The following RSBN1L variants were observed in gnomAD, a reference collection of about 807,000 sequenced individuals.
RSBN1L encodes the protein round spermatid basic protein 1 like.
A neutral mutation model predicts 67.7 loss-of-function variants in RSBN1L; 30 were observed. The observed-to-expected ratio is 0.44, with a 90% CI of 0.33 to 0.60. The LOEUF (loss-of-function observed/expected upper bound fraction) is 0.60. Ranked by LOEUF, RSBN1L falls within the 20% of genes least tolerant of loss-of-function variation. The probability of loss-of-function intolerance (pLI) is 0.02; values close to 1 mark genes in which losing one functional copy is unlikely to be tolerated. For missense variants in RSBN1L, 992 were observed against 1,031.7 expected (o/e 0.96, Z 0.53); for synonymous variants, 433 against 387.0 (o/e 1.12, Z -1.39).
chr7:77,738,873 A>T (rs1417823688), intron 2 of RSBN1L, among the ~76,000 whole-genome samples: 1 of 152,144 alleles, frequency 6.6e-6, no homozygotes, highest in African/African-American at 2.4e-5. Flanking sequence ...CAGGAGGCGG[A>T]GGTTGCGGTG....
chr7:77,715,731 C>T (rs566332919), intron 1 of RSBN1L, among the ~76,000 whole-genome samples: 1 of 152,158 alleles, frequency 6.6e-6, no homozygotes, highest in African/African-American at 2.4e-5. Flanking sequence ...TCTGTTTTTT[C>T]CTTATTCAGA....
chr7:77,771,039 T>G (rs1180671855), intron 5 of RSBN1L, among the ~76,000 whole-genome samples: 4 of 152,152 alleles, frequency 2.6e-5, no homozygotes, highest in African/African-American at 9.7e-5. Context: ...CCTCCCGGTT[T>G]CAAGCGATTC....
intron 1 of RSBN1L, among the ~76,000 whole-genome samples, chr7:77,731,445 A>C (rs1324268006): frequency 6.6e-6 from 1 of 152,170 alleles, no homozygotes; most frequent in Non-Finnish European, 1.5e-5. Flanking sequence ...CATGTTGCCC[A>C]GGCTGGTCTT....
At chr7:77,738,140 A>G (rs1791361328) in intron 2 of RSBN1L, among the ~76,000 whole-genome samples, 1 of 152,108 alleles carries the variant, frequency 6.6e-6, no homozygotes, top group Admixed American at 6.5e-5. Context: ...TGAAAATATC[A>G]TGCTGTAAAT....
intron 1 of RSBN1L, among the ~76,000 whole-genome samples, chr7:77,700,624 C>T (rs1330855198): frequency 1.3e-5 from 2 of 152,192 alleles, no homozygotes; most frequent in African/African-American, 4.8e-5. Flanking sequence ...AGGTTAAATT[C>T]ATATTCAGAG....
chr7:77,696,690 C>T lies in RSBN1L; in HGVS notation c.221C>T (p.Ala74Val). The T allele has an allele frequency of 6.2e-7, 1 of 1,612,740 alleles. No individual in the cohort carries two copies. Among genetic ancestry groups the T allele is most frequent in the Non-Finnish European group, 8.5e-7 (1 of 1,179,344 alleles). ...AGCAGGCAGCTGCAGCCGCCGGCAG[C>T]ACCTTCGCCTCAGAGCTATGGCAGC... ...GNSRQLQPPAAPSPQSYGSPA... is the reference protein window; with the variant it reads ...GNSRQLQPPAVPSPQSYGSPA... Residue 74 changes from alanine (A) to valine (V), a missense_variant, in exon 1 of 8, where the codon GCA becomes GTA. Physicochemically the swap from Ala to Val is moderately conservative, Grantham distance 64. This residue lies in a region of RSBN1L where 575 missense variants were observed against 483.2 expected (regional missense o/e 1.19). Transcript: ENST00000334955.
rs771722413 is a variant in RSBN1L, at chr7:77,749,799, C to T, written c.1079C>T (p.Ser360Leu). The T allele has an allele frequency of 1.3e-5, 21 of 1,613,998 alleles. No homozygotes were observed. Among genetic ancestry groups the T allele is most frequent in the East Asian group, 4.5e-5 (2 of 44,892 alleles). The change falls in exon 3 of 8, where the codon TCG (serine) becomes TTG (leucine). Residue 360 changes from serine (S) to leucine (L), a missense_variant. By Grantham distance (145) the Ser-to-Leu change is moderately radical (BLOSUM62 -2). Coordinates refer to ENST00000334955, the MANE Select transcript of RSBN1L (RefSeq NM_198467.3). Reference protein sequence around the residue: ...HIEHQPNGGASVIHAYSNELS... With the variant: ...HIEHQPNGGALVIHAYSNELS... ...GAGCACCAGCCTAATGGAGGTGCAT[C>T]GGTTATCCATGCCTACAGTAACGAA...
intron 3 of RSBN1L, among the ~76,000 whole-genome samples, chr7:77,755,483 T>C (rs1217067418): frequency 2.0e-5 from 3 of 152,028 alleles, no homozygotes; most frequent in Non-Finnish European, 2.9e-5. Flanking sequence ...CTGGCTAACA[T>C]GGTGAAACTC....
intron 3 of RSBN1L, 83 bp from the exon 4 acceptor site, chr7:77,765,412 C>T: frequency 3.7e-6 from 4 of 1,083,856 alleles, no homozygotes; most frequent in Non-Finnish European, 5.1e-6. Flanking sequence ...CAAGCATTAT[C>T]TTATGTGTAA....
chr7:77,760,616 CTAT>C (rs1791686307), intron 3 of RSBN1L, among the ~76,000 whole-genome samples: 1 of 151,894 alleles, frequency 6.6e-6, no homozygotes, highest in Non-Finnish European at 1.5e-5. Flanking sequence ...CAAGTATATT[CTAT>C]TATTATTTTT....
chr7:77,725,991 T>C (rs1488857010), intron 1 of RSBN1L, among the ~76,000 whole-genome samples: 1 of 152,206 alleles, frequency 6.6e-6, no homozygotes, highest in Non-Finnish European at 1.5e-5. Flanking sequence ...GCTTCTGTTA[T>C]ATATTGTTAA....
rs60910312 is a variant in RSBN1L at position 77,742,180 on chromosome 7, A to AC, written c.703+5654_703+5655insC. 3.3e-3 allele frequency among the ~76,000 whole-genome samples: 270 copies of AC among 82,102 alleles called. 2 individuals are homozygous for AC. Among genetic ancestry groups the AC allele is most frequent in the Non-Finnish European group, 2.4e-3 (104 of 43,816 alleles). The allele number at this position is 82,102 out of a possible 152,430, so 53.9% of individuals were successfully genotyped here. A position where few individuals can be genotyped will look rare whatever the true frequency, so the allele number is the denominator to read the frequency against. Reference sequence around the variant, plus strand: ...ACCCATCTTTAAAAAAAAAAAAAAAAATACACACACACACACACACACACA... The same window carrying AC: ...ACCCATCTTTAAAAAAAAAAAAAAAACATACACACACACACACACACACACA... On this transcript the variant is annotated intron_variant, in intron 2 of 7. Coordinates refer to ENST00000334955, the MANE Select transcript of RSBN1L (RefSeq NM_198467.3).
At position 77,728,715 on chromosome 7, in the gene RSBN1L, A is replaced by T. The variant is rs146977035; in HGVS notation, c.587-7695A>T. Among the ~76,000 whole-genome samples the T allele has an allele frequency of 4.4e-3, 673 of 152,374 alleles. 18 individuals carry two copies. The highest frequency in any genetic ancestry group is 0.037 in the Admixed American group (565 of 15,308). On this transcript the variant is annotated intron_variant, in intron 1 of 7. Transcript: ENST00000334955. ...CCTGCAGGAGAACACAAGATGGTGA[A>T]GAAGCTGGCTGTCTGCCTCATTCTT...
chr7:77,717,552 G>A lies in RSBN1L; in HGVS notation c.587-18858G>A, dbSNP rs181894438. Among the ~76,000 whole-genome samples the A allele has an allele frequency of 1.1e-4, 16 of 152,118 alleles. No homozygotes were observed. In the East Asian group the frequency reaches 3.1e-3, roughly 29 times the overall value. On this transcript the variant is annotated intron_variant, in intron 1 of 7. Transcript: ENST00000334955. ...GAGATTAGCAGAGATAAATATTTTT[G>A]GTTCTTAAATGCTGTGGCAAAGTGT...
chr7:77,777,586 A>G (rs1791934401), intron 6 of RSBN1L, among the ~76,000 whole-genome samples: 2 of 151,988 alleles, frequency 1.3e-5, no homozygotes, highest in African/African-American at 4.8e-5. Flanking sequence ...TGATAAGTCT[A>G]TGGTCAGTCT....
At chr7:77,729,781 C>T (rs537246806) in intron 1 of RSBN1L, among the ~76,000 whole-genome samples, 1 of 152,156 alleles carries the variant, frequency 6.6e-6, no homozygotes. Flanking sequence ...TAGTGAGACC[C>T]TGTCTCTACA....
rs1318924042 is a variant in RSBN1L, at chr7:77,781,957, C to A, written c.*2789C>A. 7.6e-6 allele frequency: 1 copy of A among 130,796 alleles called. No individual in the cohort carries two copies. The highest frequency in any genetic ancestry group is 8.7e-5 in the Admixed American group (1 of 11,508). The allele number at this position is 130,796 out of a possible 1,614,324, so 8.1% of individuals were successfully genotyped here. On this transcript the variant is annotated 3_prime_UTR_variant, in exon 8 of 8. Transcript: ENST00000334955. ...CCGAGATCGCCCCACTGCCCTCCAG[C>A]CTGGGCGACAGTCTCAAAAAAAAAA...
intron 1 of RSBN1L, among the ~76,000 whole-genome samples, chr7:77,708,238 T>C (rs546664559): frequency 6.6e-6 from 1 of 152,082 alleles, no homozygotes; most frequent in East Asian, 1.9e-4. Flanking sequence ...AATAAGATTG[T>C]AGAGGCAGGA....
chr7:77,760,872 A>G (rs1050201034), intron 3 of RSBN1L, among the ~76,000 whole-genome samples: 2 of 152,202 alleles, frequency 1.3e-5, no homozygotes, highest in Non-Finnish European at 2.9e-5. Flanking sequence ...TTGATCTCAA[A>G]TGATCCTCCC....
Sources: gnomAD v4.1 joint callset for allele counts (sites outside exome capture counted in the v4.1 genomes callset) on GRCh38, gnomAD v4.1.1 for gene constraint, gnomAD v4.1.1 regional missense constraint, MANE v1.5 for transcripts, NCBI Gene and HGNC (gene_info 2026-07-23, HGNC 2026-07-21) for gene names.